Variants in CCSER1 observed in about 807,000 individuals in gnomAD.
CCSER1 encodes the protein coiled-coil serine rich protein 1, also known as serine-rich coiled-coil domain-containing protein 1.
CCSER1 carries 41 observed loss-of-function variants against 82.0 expected under a neutral mutation model. That is an observed-to-expected ratio of 0.50 (90% CI 0.39 to 0.65). The LOEUF (loss-of-function observed/expected upper bound fraction) is 0.65, where lower values mean the gene tolerates loss of function less well. Among genes scored for constraint, CCSER1 ranks in the 30% least tolerant of loss-of-function variants. CCSER1 has a pLI of 0.00. For synonymous variants in CCSER1, 414 were observed against 383.9 expected (o/e 1.08, Z -0.92); for missense variants, 1,119 against 1,064.2 (o/e 1.05, Z -0.72).
At chr4:90,438,684 G>A (rs1759403447) in intron 4 of CCSER1, among the ~76,000 whole-genome samples, 1 of 152,038 alleles carries the variant, frequency 6.6e-6, no homozygotes, top group Non-Finnish European at 1.5e-5. Context: ...TTTATTGAAG[G>A]AAAACAGGAT....
chr4:90,971,022 A>G (rs1735052806), intron 9 of CCSER1, among the ~76,000 whole-genome samples: 1 of 152,000 alleles, frequency 6.6e-6, no homozygotes, highest in Admixed American at 6.6e-5. Context: ...AAAAAGAAGA[A>G]CAAACTAAGC....
intron 10 of CCSER1, among the ~76,000 whole-genome samples, chr4:91,106,601 A>AT (rs1255388866): frequency 6.6e-6 from 1 of 152,132 alleles, no homozygotes; most frequent in Non-Finnish European, 1.5e-5. Flanking sequence ...TATAACTACT[A>AT]TTTTGATGTG....
chr4:91,180,208 C>T (rs1733864605), intron 10 of CCSER1, among the ~76,000 whole-genome samples: 1 of 152,166 alleles, frequency 6.6e-6, no homozygotes, highest in Non-Finnish European at 1.5e-5. Flanking sequence ...TATGAGGTGT[C>T]AGTCAGCTGC....
Position 90,436,638 on chromosome 4 carries a change from T to C in CCSER1, c.1604-31596T>C, listed in dbSNP as rs150786015. On this transcript the variant is annotated intron_variant, in intron 4 of 10. Transcript: ENST00000509176. ...TGTTTATAAGAATCCGATTTTCTTT[T>C]AGTCTACTATGTTTATATCACAAAA... Among the ~76,000 whole-genome samples, 179 of 152,308 alleles carry C rather than the reference T, an allele frequency of 1.2e-3. 5 individuals carry two copies. The East Asian group carries it at 0.029, about 25-fold the overall frequency.
intron 10 of CCSER1, among the ~76,000 whole-genome samples, chr4:91,431,799 A>AGGG (rs796648991): frequency 7.9e-5 from 12 of 152,312 alleles, no homozygotes; most frequent in African/African-American, 2.9e-4. Context: ...GAAGCATTCT[A>AGGG]TACAATTGTC....
In CCSER1 at chr4:90,578,317, T is replaced by C. The variant is rs549214179; in HGVS notation, c.1725-49708T>C. Among the ~76,000 whole-genome samples the C allele has an allele frequency of 1.2e-4, 19 of 152,274 alleles. No individual in the cohort carries two copies. The East Asian group carries it at 1.9e-3, about 15-fold the overall frequency. Reference sequence around the variant, plus strand: ...CAAGAAGTCAGCAAGACCACTTTTCTTTCTGCAAGCTTTAGGGGACAACTT... The same window carrying C: ...CAAGAAGTCAGCAAGACCACTTTTCCTTCTGCAAGCTTTAGGGGACAACTT... On this transcript the variant is annotated intron_variant, in intron 5 of 10. Coordinates refer to ENST00000509176, the MANE Select transcript of CCSER1 (RefSeq NM_001145065.2).
intron 9 of CCSER1, among the ~76,000 whole-genome samples, chr4:91,012,566 G>A (rs919028689): frequency 7.3e-5 from 11 of 151,684 alleles, no homozygotes; most frequent in African/African-American, 2.7e-4. Flanking sequence ...TGGATAGGGT[G>A]TAGTAGGAGC....
At chr4:90,424,098 A>C (rs1022274859) in intron 4 of CCSER1, among the ~76,000 whole-genome samples, 1 of 152,014 alleles carries the variant, frequency 6.6e-6, no homozygotes, top group South Asian at 2.1e-4. Context: ...CTCAAAAAAA[A>C]AAAAAAGAAA....
At chr4:90,985,957 A>G (rs1736548210) in intron 9 of CCSER1, among the ~76,000 whole-genome samples, 1 of 151,874 alleles carries the variant, frequency 6.6e-6, no homozygotes, top group South Asian at 2.1e-4. Flanking sequence ...ATTAGACATA[A>G]TGCTAGTTAA....
chr4:90,772,595 T>G (rs1321809503), intron 7 of CCSER1, among the ~76,000 whole-genome samples: 1 of 152,174 alleles, frequency 6.6e-6, no homozygotes, highest in East Asian at 1.9e-4. Context: ...TGGAAATGTT[T>G]CCATGCATGG....
chr4:91,378,480 GGAT>G (rs1461529692), intron 10 of CCSER1, among the ~76,000 whole-genome samples: 1 of 152,132 alleles, frequency 6.6e-6, no homozygotes, highest in Non-Finnish European at 1.5e-5. Context: ...CTTGTAAGTT[GGAT>G]TCCTAAGTAT....
At chr4:91,116,235 A>G (rs909916426) in intron 10 of CCSER1, among the ~76,000 whole-genome samples, 2 of 152,248 alleles carry the variant, frequency 1.3e-5, no homozygotes, top group African/African-American at 2.4e-5. Flanking sequence ...ATGGAATACT[A>G]TGCAGCCATA....
At chr4:91,349,564 G>A (rs976613483) in intron 10 of CCSER1, among the ~76,000 whole-genome samples, 1 of 152,054 alleles carries the variant, frequency 6.6e-6, no homozygotes, top group Non-Finnish European at 1.5e-5. Flanking sequence ...GGGGGTTAAC[G>A]TTGTATATTT....
intron 10 of CCSER1, among the ~76,000 whole-genome samples, chr4:91,499,759 T>A (rs935584500): frequency 2.6e-5 from 4 of 152,008 alleles, no homozygotes; most frequent in Non-Finnish European, 4.4e-5. Context: ...TTCTTTCACT[T>A]GGTAATGGGC....
chr4:90,838,964 T>C (rs1200263639), intron 8 of CCSER1: 4 of 1,613,328 alleles, frequency 2.5e-6, no homozygotes, highest in Non-Finnish European at 3.4e-6. Flanking sequence ...TGGATTTTTC[T>C]CTTGCGTCTC....
At chr4:90,975,705 T>C (rs1427683172) in intron 9 of CCSER1, among the ~76,000 whole-genome samples, 3 of 151,282 alleles carry the variant, frequency 2.0e-5, no homozygotes, top group Non-Finnish European at 4.4e-5. Flanking sequence ...AAAATCCAGT[T>C]ACTATGTAAG....
At position 90,945,951 on chromosome 4, in the gene CCSER1, AGAG is replaced by A. The variant is rs1732187138; in HGVS notation, c.2172+22508_2172+22510del. 4.6e-5 allele frequency among the ~76,000 whole-genome samples: 7 copies of A among 152,340 alleles called. No homozygotes were observed. The South Asian group carries it at 1.4e-3, about 32-fold the overall frequency. The stretch of plus-strand genomic sequence containing the variant: ...TTTACAAGAAAGAAAACTGAAATAT[AGAG>A]GAGTTAAGTAACTTGCTCACAATTA... On this transcript the variant is annotated intron_variant, in intron 9 of 10. Transcript: ENST00000509176.
At chr4:91,258,547 T>C (rs1740869379) in intron 10 of CCSER1, among the ~76,000 whole-genome samples, 1 of 151,838 alleles carries the variant, frequency 6.6e-6, no homozygotes, top group Non-Finnish European at 1.5e-5. Context: ...AGTTGACTGA[T>C]TGTCACTGCA....
At chr4:90,850,600 C>G (rs1449532442) in intron 8 of CCSER1, among the ~76,000 whole-genome samples, 1 of 152,216 alleles carries the variant, frequency 6.6e-6, no homozygotes, top group African/African-American at 2.4e-5. Flanking sequence ...TTTGGACTTG[C>G]ATGGGGCCTA....
Sources: allele counts gnomAD v4.1 joint callset (sites outside exome capture counted in the v4.1 genomes callset), GRCh38; gene constraint gnomAD v4.1.1; transcripts MANE v1.5; gene names NCBI Gene and HGNC (gene_info 2026-07-23, HGNC 2026-07-21).